Variants in ZNF248 observed in about 807,000 individuals in gnomAD.
The protein encoded by ZNF248 is zinc finger protein 248.
In ZNF248, 20 loss-of-function variants were observed where a neutral mutation model predicts 44.3. That is an observed-to-expected ratio of 0.45 (90% CI 0.32 to 0.66). ZNF248 has a LOEUF of 0.66. Among genes scored for constraint, ZNF248 ranks in the 30% least tolerant of loss-of-function variants. The probability of loss-of-function intolerance (pLI) is 0.04; values close to 1 mark genes in which losing one functional copy is unlikely to be tolerated. For synonymous variants in ZNF248, 224 were observed against 229.0 expected (o/e 0.98, Z 0.20); for missense variants, 654 against 677.0 (o/e 0.97, Z 0.38).
chr10:37,788,131 G>A (rs940123967), intron 6 of ZNF248, among the ~76,000 whole-genome samples: 1 of 151,210 alleles, frequency 6.6e-6, no homozygotes, highest in Non-Finnish European at 1.5e-5. Context: ...CAGGTGTAGT[G>A]GTGGGTGCCT....
intron 1 of ZNF248, chr10:37,856,893 G>C (rs1304045611): frequency 1.0e-5 from 2 of 197,038 alleles, no homozygotes; most frequent in Admixed American, 1.3e-4. Flanking sequence ...TCTAAGGAAT[G>C]ACAAGATCTG....
intron 6 of ZNF248, chr10:37,818,855 T>A (rs528382128): frequency 1.0e-6 from 1 of 971,466 alleles, no homozygotes; most frequent in East Asian, 2.7e-5. Context: ...TCTTGTAGGA[T>A]GTCTTGCTGA....
downstream of ZNF248, among the ~76,000 whole-genome samples, chr10:37,774,397 C>T (rs946854325): frequency 6.6e-5 from 10 of 152,284 alleles, no homozygotes; most frequent in South Asian, 2.1e-4. Context: ...ACTTTAAAAG[C>T]GCTAAATTCA....
chr10:37,761,385 A>G, the ZNF248 span, among the ~76,000 whole-genome samples: 1 of 152,248 alleles, frequency 6.6e-6, no homozygotes, highest in Non-Finnish European at 1.5e-5. Context: ...AATTAGTGGG[A>G]AAGGTGTGAA....
chr10:37,828,187 CATGT>C (rs1434196594), downstream of ZNF248, among the ~76,000 whole-genome samples: 1 of 152,168 alleles, frequency 6.6e-6, no homozygotes, highest in African/African-American at 2.4e-5. Context: ...GGTTTACATG[CATGT>C]GTTAGATACA....
intron 6 of ZNF248, among the ~76,000 whole-genome samples, chr10:37,810,424 C>G (rs1286151069): frequency 6.6e-6 from 1 of 151,990 alleles, no homozygotes; most frequent in Non-Finnish European, 1.5e-5. Flanking sequence ...CATACAATAT[C>G]CTTCTTTATC....
At chr10:37,837,934 A>C (rs2057555169) in intron 4 of ZNF248, 51 bp downstream of exon 4, 1 of 1,589,850 alleles carries the variant, frequency 6.3e-7, no homozygotes. Context: ...ACAGGGCATC[A>C]ACTAGTAAAT....
rs117679506 is a variant in ZNF248 at position 37,804,048 on chromosome 10, A to G, written c.331-27473T>C. On this transcript the variant is annotated intron_variant, in intron 6 of 6. Transcript: ENST00000615949. ...CTAGGTTCCTGCAGCTGCTGGTTAC[A>G]TGATCTTGGGTAAGTCACTTCACCT... The G allele has an allele frequency of 9.9e-5, 15 of 151,898 alleles. No individual in the cohort carries two copies. The East Asian group carries it at 2.9e-3, about 30-fold the overall frequency. The allele number at this position is 151,898 out of a possible 1,614,324, so 9.4% of individuals were successfully genotyped here. A position where few individuals can be genotyped will look rare whatever the true frequency, so the allele number is the denominator to read the frequency against.
chr10:37,846,790 A>G (rs1292367351), intron 3 of ZNF248, among the ~76,000 whole-genome samples: 1 of 152,234 alleles, frequency 6.6e-6, no homozygotes, highest in Non-Finnish European at 1.5e-5. Context: ...AAATACAGGG[A>G]TCACAGAAAC....
chr10:37,845,284 C>T (rs1221148547), intron 3 of ZNF248, among the ~76,000 whole-genome samples: 1 of 151,614 alleles, frequency 6.6e-6, no homozygotes, highest in Non-Finnish European at 1.5e-5. Flanking sequence ...TTCCAAAGTG[C>T]TGGGATTACG....
chr10:37,784,323 G>T (rs1156899129), intron 6 of ZNF248, among the ~76,000 whole-genome samples: 1 of 152,200 alleles, frequency 6.6e-6, no homozygotes, highest in African/African-American at 2.4e-5. Flanking sequence ...ATGTCCTGCG[G>T]TCTTTTACTC....
At chr10:37,767,850 G>T in the ZNF248 span, among the ~76,000 whole-genome samples, 3 of 152,128 alleles carry the variant, frequency 2.0e-5, no homozygotes, top group African/African-American at 4.8e-5. Flanking sequence ...AAAGAGTCAA[G>T]ACCCATCAGT....
chr10:37,761,637 T>C, the ZNF248 span, among the ~76,000 whole-genome samples: 1 of 152,242 alleles, frequency 6.6e-6, no homozygotes, highest in Non-Finnish European at 1.5e-5. Context: ...ATAACTTTAC[T>C]TCAAAGAATC....
the ZNF248 span, among the ~76,000 whole-genome samples, chr10:37,768,451 C>T: frequency 6.6e-6 from 1 of 152,180 alleles, no homozygotes; most frequent in Non-Finnish European, 1.5e-5. Flanking sequence ...CAAACTAGAA[C>T]TCAGGACTAA....
At chr10:37,849,022 G>T (rs2059779691) in intron 3 of ZNF248, among the ~76,000 whole-genome samples, 1 of 152,030 alleles carries the variant, frequency 6.6e-6, no homozygotes, top group Non-Finnish European at 1.5e-5. Context: ...ATCAATATAA[G>T]AAATAGAAAT....
downstream of ZNF248, chr10:37,776,521 G>A (rs2046597562): frequency 2.5e-6 from 1 of 398,256 alleles, no homozygotes; most frequent in African/African-American, 2.1e-5. Context: ...TGTTCCTAGG[G>A]CGCCTTCTTC....
chr10:37,776,734 A>T (rs1055809789), intron 6 of ZNF248, among the ~76,000 whole-genome samples: 4 of 152,156 alleles, frequency 2.6e-5, no homozygotes, highest in Non-Finnish European at 5.9e-5. Context: ...GGACTTCAAG[A>T]TGCTAAGAAA....
intron 6 of ZNF248, among the ~76,000 whole-genome samples, chr10:37,821,240 G>A (rs1232166079): frequency 6.6e-6 from 1 of 152,116 alleles, no homozygotes; most frequent in Non-Finnish European, 1.5e-5. Flanking sequence ...TTGGTTGGAT[G>A]AATATATTTA....
At position 37,831,612 on chromosome 10, in the gene ZNF248, C is replaced by G. The variant is rs901203869; in HGVS notation, c.*3G>C. 3.1e-6 allele frequency: 5 copies of G among 1,610,960 alleles called. No homozygotes were observed. ...TTCACAAGTGTATGAAGGCTTCTAA[C>G]ATTCAGGATGTTGAAAGAGCTTTCA... On this transcript the variant is annotated 3_prime_UTR_variant, in exon 6 of 6. Transcript: ENST00000395867.
Sources: gnomAD v4.1 joint callset for allele counts (sites outside exome capture counted in the v4.1 genomes callset) on GRCh38, gnomAD v4.1.1 for gene constraint, MANE v1.5 for transcripts, NCBI Gene and HGNC (gene_info 2026-07-23, HGNC 2026-07-21) for gene names.